OR7D2: variants seen among roughly 807,000 people sequenced by gnomAD.
The protein encoded by OR7D2 is olfactory receptor family 7 subfamily D member 2.
For missense variants in OR7D2, 370 were observed against 384.1 expected (o/e 0.96, Z 0.31); for synonymous variants, 158 against 158.7 (o/e 1.00, Z 0.03).
At chr19:9,180,958 C>G (rs2050985423) in intron 2 of OR7D2, among the ~76,000 whole-genome samples, 170 bp downstream of exon 2, 1 of 151,978 alleles carries the variant, frequency 6.6e-6, no homozygotes, top group African/African-American at 2.4e-5. Context: ...AACCCTATCT[C>G]TATTAAAAAT....
chr19:9,179,547 A>G (rs1439834370), intron 1 of OR7D2, among the ~76,000 whole-genome samples: 1 of 151,678 alleles, frequency 6.6e-6, no homozygotes, highest in Non-Finnish European at 1.5e-5. Context: ...CTGTCTCAAA[A>G]AAAAAAAAAG....
chr19:9,186,286 T>G lies in OR7D2; in HGVS notation c.505T>G (p.Cys169Gly). The change falls in exon 3 of 3, where the codon TGT (cysteine) becomes GGT (glycine). Residue 169 changes from cysteine (C) to glycine (G), a missense_variant. By Grantham distance (159) the Cys-to-Gly change is radical (BLOSUM62 -3). Coordinates refer to ENST00000641288, the MANE Select transcript of OR7D2 (RefSeq NM_175883.4). ...HISLMMHLIF[C>G]KDFEIPHFFC... ...TTCTCTGATGATGCATCTAATCTTCTGTAAAGATTTTGAAATTCCACATTT... is the reference window on the plus strand; with the variant it reads ...TTCTCTGATGATGCATCTAATCTTCGGTAAAGATTTTGAAATTCCACATTT... The G allele has an allele frequency of 6.2e-7, 1 of 1,614,138 alleles. No homozygotes were observed. Among genetic ancestry groups the G allele is most frequent in the Non-Finnish European group, 8.5e-7 (1 of 1,180,004 alleles).
chr19:9,185,976 C>G lies in OR7D2; in HGVS notation c.195C>G (p.Asn65Lys), dbSNP rs142890150. Residue 65 changes from asparagine to lysine, a missense_variant, in exon 3 of 3, where the codon AAC becomes AAG. Physicochemically the swap from Asn to Lys is moderately conservative, Grantham distance 94 (BLOSUM62 0). Transcript: ENST00000641288. ...LHTPMYFFLS[N>K]LSWVDICFST... is the part of the protein sequence containing the mutation. ...CCCCCATGTACTTCTTCCTCTCCAACCTGTCCTGGGTTGACATCTGTTTCA... is the reference window on the plus strand; with the variant it reads ...CCCCCATGTACTTCTTCCTCTCCAAGCTGTCCTGGGTTGACATCTGTTTCA... 4 of 1,614,176 alleles carry G rather than the reference C, an allele frequency of 2.5e-6. No individual in the cohort carries two copies. Among genetic ancestry groups the G allele is most frequent in the Admixed American group, 3.3e-5 (2 of 60,016 alleles).
intron 2 of OR7D2, among the ~76,000 whole-genome samples, chr19:9,183,494 T>G (rs966980161): frequency 1.3e-5 from 2 of 151,892 alleles, no homozygotes; most frequent in Non-Finnish European, 2.9e-5. Context: ...TTCGGGCTGG[T>G]CTTGAACTCC....
At chr19:9,183,709 G>A (rs2051007607) in intron 2 of OR7D2, among the ~76,000 whole-genome samples, 1 of 151,094 alleles carries the variant, frequency 6.6e-6, no homozygotes, top group Non-Finnish European at 1.5e-5. Flanking sequence ...TGTAATCCCA[G>A]CACTTTGGGA....
rs201860956 is a variant in OR7D2, at chr19:9,185,856, G to A, written c.75G>A (p.Pro25=). 247 of 1,612,898 alleles carry A rather than the reference G, an allele frequency of 1.5e-4. 1 individual carries two copies. In the Admixed American group the frequency reaches 3.6e-3, roughly 23 times the overall value. ...TCTCTGAGGATCCAGAACTACAGCC[G>A]TTCATATTTGGGCTGTTCCTGTCCA... ...LGLSEDPELQ[P]FIFGLFLSMY... The change falls in exon 3 of 3, where the codon CCG becomes CCA. Residue 25 remains proline (P), a synonymous_variant. Transcript: ENST00000641288.
chr19:9,188,787 T>C lies in OR7D2; in HGVS notation c.*2067T>C, dbSNP rs1252893093. On this transcript the variant is annotated 3_prime_UTR_variant, in exon 3 of 3. Transcript: ENST00000641288. ...AGTGTTTATTTGTTTTCCTACTGGA[T>C]GAAGTATGATTAAAATACGTATTTA... The C allele has an allele frequency of 1.2e-5, 2 of 167,046 alleles. No individual in the cohort carries two copies. Among genetic ancestry groups the C allele is most frequent in the Non-Finnish European group, 2.9e-5 (2 of 68,134 alleles). The allele number at this position is 167,046 out of a possible 1,614,324, so 10.3% of individuals were successfully genotyped here.
In OR7D2 at chr19:9,183,551, T is replaced by G. The variant is rs372183839; in HGVS notation, c.-13-2218T>G. Among the ~76,000 whole-genome samples, 72 of 152,254 alleles carry G rather than the reference T, an allele frequency of 4.7e-4. 3 individuals carry two copies. The East Asian group carries it at 0.013, about 27-fold the overall frequency. On this transcript the variant is annotated intron_variant, in intron 2 of 2. Coordinates refer to ENST00000641288, the MANE Select transcript of OR7D2 (RefSeq NM_175883.4). Reference sequence around the variant, plus strand: ...TCTCAGCCTCCCAAAGTGCTGGTATTACAGGCGTGAGCCACCATGCCTGAC... The same window carrying G: ...TCTCAGCCTCCCAAAGTGCTGGTATGACAGGCGTGAGCCACCATGCCTGAC...
intron 2 of OR7D2, chr19:9,185,562 A>T (rs1411639361): frequency 1.0e-5 from 2 of 198,642 alleles, no homozygotes; most frequent in African/African-American, 4.7e-5. Context: ...ATACATATAT[A>T]CATAGTTTTA....
Position 9,187,482 on chromosome 19 carries a change from C to A in OR7D2, c.*762C>A, listed in dbSNP as rs1032244888. On this transcript the variant is annotated 3_prime_UTR_variant, in exon 3 of 3. Transcript: ENST00000641288. ...AGATATAGACATATGTAGATACATA[C>A]CATGTTTTCTTTTTTTAAAAAAATT... 3.9e-5 allele frequency: 6 copies of A among 153,058 alleles called. No homozygotes were observed. The highest frequency in any genetic ancestry group is 7.5e-5 in the Non-Finnish European group (5 of 66,404). 9.5% of individuals were successfully genotyped at this position (153,058 alleles called of 1,614,324 possible). A position where few individuals can be genotyped will look rare whatever the true frequency, so the allele number is the denominator to read the frequency against.
chr19:9,183,034 C>T, intron 2 of OR7D2: 2 of 386,148 alleles, frequency 5.2e-6, no homozygotes, highest in South Asian at 4.8e-5. Flanking sequence ...CGTAGGTTTT[C>T]TTCTCACCAT....
chr19:9,181,444 C>CTTTT (rs911771352), intron 2 of OR7D2, among the ~76,000 whole-genome samples: 50 of 77,968 alleles, frequency 6.4e-4, no homozygotes, highest in African/African-American at 1.4e-3. Context: ...ATTTCCTAGA[C>CTTTT]TTTTTTTTTT....
chr19:9,183,043 A>G lies in OR7D2; in HGVS notation c.-14+2255A>G, dbSNP rs2051002322. 1.1e-5 allele frequency: 4 copies of G among 363,626 alleles called. 1 individual carries two copies. The highest frequency in any genetic ancestry group is 2.3e-5 in the Non-Finnish European group (4 of 177,090). The allele number at this position is 363,626 out of a possible 1,614,324, so 22.5% of individuals were successfully genotyped here. ...AGCCACCGTAGGTTTTCTTCTCACC[A>G]TCCATTTTGTTCTTACGAAATTCTA... is the stretch of plus-strand genomic sequence containing the variant. On this transcript the variant is annotated intron_variant, in intron 2 of 2. Transcript: ENST00000641288.
chr19:9,182,028 A>G (rs2050992795), intron 2 of OR7D2, among the ~76,000 whole-genome samples: 2 of 152,150 alleles, frequency 1.3e-5, no homozygotes, highest in African/African-American at 4.8e-5. Context: ...CTAGAATTCT[A>G]TTTTGTTTGG....
At chr19:9,183,371 C>T (rs2051005157) in intron 2 of OR7D2, among the ~76,000 whole-genome samples, 1 of 152,106 alleles carries the variant, frequency 6.6e-6, no homozygotes, top group Admixed American at 6.5e-5. Context: ...AACACTGTGG[C>T]TCAAAGCGAT....
At chr19:9,182,209 T>C (rs913585282) in intron 2 of OR7D2, among the ~76,000 whole-genome samples, 2 of 152,212 alleles carry the variant, frequency 1.3e-5, no homozygotes, top group African/African-American at 4.8e-5. Flanking sequence ...AATTTCAACT[T>C]TGATTGCTAT....
chr19:9,184,129 T>G (rs1599210911), intron 2 of OR7D2, among the ~76,000 whole-genome samples: 1 of 150,710 alleles, frequency 6.6e-6, no homozygotes, highest in Non-Finnish European at 1.5e-5. Context: ...TGTGGTGGCT[T>G]ACGCCTGTAA....
At chr19:9,182,488 C>CTTTATTTA (rs145113847) in intron 2 of OR7D2, 2,551 of 226,798 alleles carry the variant, frequency 0.011, 42 homozygotes, top group African/African-American at 0.047. Context: ...TACATGCATA[C>CTTTATTTA]TTTATTTATT....
At chr19:9,182,042 G>A (rs925082339) in intron 2 of OR7D2, among the ~76,000 whole-genome samples, 9 of 152,168 alleles carry the variant, frequency 5.9e-5, no homozygotes, top group African/African-American at 2.2e-4. Context: ...TGTTTGGGAC[G>A]TTATAAAATG....
Sources: allele counts gnomAD v4.1 joint callset (sites outside exome capture counted in the v4.1 genomes callset), GRCh38; gene constraint gnomAD v4.1.1; transcripts MANE v1.5; gene names NCBI Gene and HGNC (gene_info 2026-07-23, HGNC 2026-07-21).